ROBO1: variants seen among roughly 807,000 people sequenced by gnomAD.
The protein encoded by ROBO1 is roundabout homolog 1.
ROBO1 carries 149 observed loss-of-function variants against 195.9 expected under a neutral mutation model. The ratio of observed to expected loss-of-function variants is 0.76; its 90% confidence interval spans 0.67 to 0.87. The LOEUF is 0.87. Ranked by LOEUF, ROBO1 falls within the 40% of genes least tolerant of loss-of-function variation. The pLI is 0.00. For synonymous variants in ROBO1, 816 were observed against 733.2 expected (o/e 1.11, Z -1.82); for missense variants, 1,933 against 2,068.3 (o/e 0.93, Z 1.27).
chr3:79,301,068 C>T (rs998654384), intron 2 of ROBO1, among the ~76,000 whole-genome samples: 1 of 152,136 alleles, frequency 6.6e-6, no homozygotes, highest in Non-Finnish European at 1.5e-5. Flanking sequence ...TCACCTTCCA[C>T]GCTGTGGAAG....
At chr3:78,728,934 T>C (rs1363336184) in intron 5 of ROBO1, among the ~76,000 whole-genome samples, 1 of 152,198 alleles carries the variant, frequency 6.6e-6, no homozygotes, top group Non-Finnish European at 1.5e-5. Context: ...AAAACCAACA[T>C]GAATTCAGCC....
chr3:79,672,626 G>A (rs980146166), intron 1 of ROBO1, among the ~76,000 whole-genome samples: 1 of 151,848 alleles, frequency 6.6e-6, no homozygotes, highest in Admixed American at 6.6e-5. Flanking sequence ...AAATTGGGGG[G>A]ACATAAGGAT....
intron 2 of ROBO1, among the ~76,000 whole-genome samples, chr3:79,485,427 G>T (rs1939107540): frequency 6.6e-6 from 1 of 151,848 alleles, no homozygotes. Context: ...TATTACAAAA[G>T]ATTAAAATAA....
At chr3:78,820,984 T>C (rs560350022) in intron 4 of ROBO1, among the ~76,000 whole-genome samples, 1 of 152,310 alleles carries the variant, frequency 6.6e-6, no homozygotes, top group East Asian at 1.9e-4. Flanking sequence ...AGAAACTTCA[T>C]CTACCTGGCC....
chr3:78,607,390 T>G (rs571600277), intron 28 of ROBO1: 4 of 208,710 alleles, frequency 1.9e-5, no homozygotes, highest in Non-Finnish European at 2.9e-5. Context: ...GTTTTGTGTT[T>G]TTTGTAGAGA....
intron 4 of ROBO1, among the ~76,000 whole-genome samples, chr3:78,893,706 C>A (rs1313870743): frequency 1.3e-5 from 2 of 152,054 alleles, no homozygotes; most frequent in Non-Finnish European, 2.9e-5. Context: ...GAATAAACTT[C>A]TACTTTATAA....
intron 25 of ROBO1, among the ~76,000 whole-genome samples, chr3:78,628,490 G>A (rs1704966797): frequency 1.3e-5 from 2 of 152,096 alleles, no homozygotes; most frequent in African/African-American, 4.8e-5. Flanking sequence ...CGATGGATCT[G>A]GGGAACATTC....
chr3:79,426,215 GGAGAA>G (rs562071726), intron 2 of ROBO1, among the ~76,000 whole-genome samples: 17 of 152,144 alleles, frequency 1.1e-4, no homozygotes, highest in African/African-American at 4.1e-4. Context: ...AACTATGAGA[GGAGAA>G]AAGATTCAAT....
intron 3 of ROBO1, among the ~76,000 whole-genome samples, chr3:79,117,565 T>C (rs946000059): frequency 6.6e-6 from 1 of 152,140 alleles, no homozygotes; most frequent in Non-Finnish European, 1.5e-5. Flanking sequence ...AACTTCCATT[T>C]CTTTGCCTGG....
chr3:79,179,336 G>T (rs985342369), intron 2 of ROBO1, among the ~76,000 whole-genome samples: 9 of 152,144 alleles, frequency 5.9e-5, no homozygotes, highest in Non-Finnish European at 1.2e-4. Context: ...TTAGCTAAGA[G>T]AATTGACAAA....
chr3:79,084,760 T>C (rs563302866), intron 3 of ROBO1, among the ~76,000 whole-genome samples: 1 of 152,240 alleles, frequency 6.6e-6, no homozygotes, highest in South Asian at 2.1e-4. Flanking sequence ...ACATCAGAGA[T>C]TCTGCAGAAG....
At chr3:79,700,376 T>C (rs1947588069) in intron 1 of ROBO1, among the ~76,000 whole-genome samples, 1 of 150,918 alleles carries the variant, frequency 6.6e-6, no homozygotes. Flanking sequence ...TTATTTTCTT[T>C]TGGATATGTA....
At chr3:78,789,257 A>G (rs1411041029) in intron 4 of ROBO1, among the ~76,000 whole-genome samples, 1 of 152,182 alleles carries the variant, frequency 6.6e-6, no homozygotes, top group African/African-American at 2.4e-5. Flanking sequence ...AATAAGAGAA[A>G]GATTAAAGCT....
At chr3:79,280,095 G>C (rs1048165096) in intron 2 of ROBO1, among the ~76,000 whole-genome samples, 2 of 152,134 alleles carry the variant, frequency 1.3e-5, no homozygotes, top group Admixed American at 1.3e-4. Flanking sequence ...AGGCTGGGAA[G>C]GGTAGGCAGA....
At chr3:79,014,472 C>CA (rs1246259033) in intron 3 of ROBO1, among the ~76,000 whole-genome samples, 4 of 151,796 alleles carry the variant, frequency 2.6e-5, no homozygotes. Flanking sequence ...GACTCCATTT[C>CA]AAAAAAAGAA....
intron 22 of ROBO1, among the ~76,000 whole-genome samples, chr3:78,639,135 G>A (rs1705753188): frequency 6.6e-6 from 1 of 151,770 alleles, no homozygotes; most frequent in Non-Finnish European, 1.5e-5. Context: ...TACAGAGTGA[G>A]ACTCTTGTCA....
chr3:79,381,306 G>A (rs1424976735), intron 2 of ROBO1, among the ~76,000 whole-genome samples: 32 of 137,510 alleles, frequency 2.3e-4, no homozygotes, highest in Admixed American at 5.7e-4. Flanking sequence ...GCAGTGAGCC[G>A]AGACCATGCC....
chr3:79,093,546 TA>T (rs1245067737), intron 3 of ROBO1, among the ~76,000 whole-genome samples: 1 of 152,016 alleles, frequency 6.6e-6, no homozygotes, highest in Non-Finnish European at 1.5e-5. Context: ...TATCATTATT[TA>T]AAAAAATTAA....
chr3:79,217,329 T>C (rs2082072192), intron 2 of ROBO1, among the ~76,000 whole-genome samples: 1 of 152,084 alleles, frequency 6.6e-6, no homozygotes, highest in Non-Finnish European at 1.5e-5. Context: ...GATTAGACTT[T>C]GGTTTCAGAT....
Sources: allele counts gnomAD v4.1 joint callset (sites outside exome capture counted in the v4.1 genomes callset), GRCh38; gene constraint gnomAD v4.1.1; transcripts MANE v1.5; gene names NCBI Gene and HGNC (gene_info 2026-07-23, HGNC 2026-07-21).